The following SPTB variants were observed in gnomAD, a reference collection of about 807,000 sequenced individuals.
SPTB encodes spectrin beta chain, erythrocytic.
A neutral mutation model predicts 256.2 loss-of-function variants in SPTB; 45 were observed. That is an observed-to-expected ratio of 0.18 (90% CI 0.14 to 0.23). SPTB has a LOEUF of 0.23. Among genes scored for constraint, SPTB ranks in the 10% least tolerant of loss-of-function variants. The pLI, the probability that SPTB is intolerant of heterozygous loss-of-function variation, is 1.00. For synonymous variants in SPTB, 1,231 were observed against 1,243.1 expected, an observed-to-expected ratio of 0.99 and a Z score of 0.21; for missense variants, 2,715 against 3,040.4, an observed-to-expected ratio of 0.89 and a Z score of 2.52.
At position 64,749,187 on chromosome 14, in the gene SPTB, C is replaced by T. The variant is rs2081900179; in HGVS notation, c.*119G>A. ...TGCAGTGCAGCGTGGGGCCCGGGGG[C>T]CCGGCCCGCGACTCGACTCATCTCG... On this transcript the variant is annotated 3_prime_UTR_variant, in exon 36 of 36. Coordinates refer to ENST00000644917, the MANE Select transcript of SPTB (RefSeq NM_001355436.2). This position sits in a 1 kb window ranked among gnomAD's most constrained non-coding sequence, Gnocchi z 4.7. The T allele has an allele frequency of 2.3e-6, 3 of 1,280,362 alleles. No homozygotes were observed. Among genetic ancestry groups the T allele is most frequent in the African/African-American group, 3.0e-5 (2 of 66,770 alleles). The allele number at this position is 1,280,362 out of a possible 1,614,324, so 79.3% of individuals were successfully genotyped here.
At chr14:64,753,941 T>C in intron 32 of SPTB, 148 bp from the exon 33 acceptor site, 1 of 1,062,498 alleles carries the variant, frequency 9.4e-7, no homozygotes, top group Non-Finnish European at 1.4e-6. Context: ...CCACCCTGGC[T>C]CTCCCACAAC....
chr14:64,810,405 G>A (rs146331194), intron 2 of SPTB, among the ~76,000 whole-genome samples: 208 of 152,288 alleles, frequency 1.4e-3, no homozygotes, highest in Middle Eastern at 3.4e-3. Flanking sequence ...CAGGCTGGGC[G>A]TGGTGGCTCA....
At position 64,786,872 on chromosome 14, in the gene SPTB, A is replaced by G. The variant is rs2139567969; in HGVS notation, c.3093T>C (p.Asp1031=). ...CCAAGTGTTTTTGCCGCTGACCAATATCCTCCTTCTGCTCAGGGTGCGAGT... is the reference window on the plus strand; with the variant it reads ...CCAAGTGTTTTTGCCGCTGACCAATGTCCTCCTTCTGCTCAGGGTGCGAGT... ...LMDSHPEQKE[D]IGQRQKHLEE... The change falls in exon 16 of 36, where the codon GAT becomes GAC. Residue 1031 remains aspartate, a synonymous_variant. Transcript: ENST00000644917. This position sits in a 1 kb window ranked among gnomAD's most constrained non-coding sequence, Gnocchi z 5.6. 6.2e-7 allele frequency: 1 copy of G among 1,612,676 alleles called. No individual in the cohort carries two copies. Among genetic ancestry groups the G allele is most frequent in the Non-Finnish European group, 8.5e-7 (1 of 1,179,934 alleles).
chr14:64,799,365 G>C (rs1464849679), intron 9 of SPTB, among the ~76,000 whole-genome samples: 1 of 152,228 alleles, frequency 6.6e-6, no homozygotes, highest in East Asian at 1.9e-4. Flanking sequence ...CATGCAGAGA[G>C]CTCAGGGGCT....
intron 4 of SPTB, 54 bp downstream of exon 4, chr14:64,803,553 G>A (rs2082927767): frequency 6.2e-7 from 1 of 1,606,500 alleles, no homozygotes; most frequent in African/African-American, 1.3e-5. Flanking sequence ...AGATTCTAAG[G>A]CCCTGGGCAG....
rs148979087 is a variant in SPTB at position 64,856,851 on chromosome 14, C to A, written c.-52+22941G>T. On this transcript the variant is annotated intron_variant, in intron 1 of 35. Transcript: ENST00000644917. ...TACAGGCCACAAGGAAGGATGGCTC[C>A]AGAGAAAACACAAGTGACAGCTGCT... 2.0e-3 allele frequency among the ~76,000 whole-genome samples: 304 copies of A among 152,346 alleles called. 1 individual carries two copies. The highest frequency in any genetic ancestry group is 7.2e-3 in the African/African-American group (301 of 41,570).
In SPTB at chr14:64,763,134, G is replaced by T. The variant is rs1158746920; in HGVS notation, c.6345+3592C>A. The stretch of plus-strand genomic sequence containing the variant: ...TGCAATCCACCTCCTTCTCTCCCAG[G>T]AGAAAACAGCCTCTCACCACACATT... On this transcript the variant is annotated intron_variant, in intron 32 of 35. Transcript: ENST00000644917. Among the ~76,000 whole-genome samples the T allele has an allele frequency of 5.3e-5, 8 of 152,280 alleles. No homozygotes were observed. In the East Asian group the frequency reaches 1.3e-3, roughly 26 times the overall value.
chr14:64,801,540 G>A (rs1175881837), intron 6 of SPTB, 140 bp from the exon 7 acceptor site: 2 of 811,694 alleles, frequency 2.5e-6, no homozygotes, highest in East Asian at 5.2e-5. Flanking sequence ...GGGAGCAGAG[G>A]AGAGGGGGCA....
intron 25 of SPTB, 109 bp downstream of exon 25, chr14:64,773,111 A>C (rs2082303625): frequency 3.2e-6 from 5 of 1,551,950 alleles, no homozygotes; most frequent in Middle Eastern, 1.7e-4. Context: ...GTCCCGCCTC[A>C]CACTGGGGAG....
rs192356378 is a variant in SPTB at position 64,759,814 on chromosome 14, C to T, written c.6346-6021G>A. Among the ~76,000 whole-genome samples, 17 of 152,260 alleles carry T rather than the reference C, an allele frequency of 1.1e-4. No homozygotes were observed. The East Asian group carries it at 1.2e-3, about 10-fold the overall frequency. ...GGGACACTCTGAAGGAAGAGAGTCC[C>T]GCTGCTTGGAAGAAATTCTGGGTGT... On this transcript the variant is annotated intron_variant, in intron 32 of 35. Transcript: ENST00000644917. This position sits in a 1 kb window ranked among gnomAD's most constrained non-coding sequence, Gnocchi z 4.8.
chr14:64,799,866 G>A lies in SPTB; in HGVS notation c.945C>T (p.Leu315=), dbSNP rs1263408939. The change falls in exon 9 of 36, where the codon CTC becomes CTT. Residue 315 remains leucine (L), a synonymous_variant. Transcript: ENST00000644917. ...CAGTGATGGTCTGCTCGATCCAGGTGAGCAGGTCCGAGGCTAGCCCGCTGT... is the reference window on the plus strand; with the variant it reads ...CAGTGATGGTCTGCTCGATCCAGGTAAGCAGGTCCGAGGCTAGCCCGCTGT... ...EKYSGLASDL[L]TWIEQTITVL... The A allele has an allele frequency of 1.9e-6, 3 of 1,614,230 alleles. No individual in the cohort carries two copies. The highest frequency in any genetic ancestry group is 8.5e-7 in the Non-Finnish European group (1 of 1,180,044).
intron 2 of SPTB, among the ~76,000 whole-genome samples, chr14:64,808,035 A>G (rs1396915344): frequency 6.6e-6 from 1 of 152,222 alleles, no homozygotes; most frequent in African/African-American, 2.4e-5. Flanking sequence ...TTTCTTTTCA[A>G]CGGAGTCTCG....
intron 19 of SPTB, among the ~76,000 whole-genome samples, chr14:64,783,531 A>C (rs1269740684): frequency 6.6e-6 from 1 of 152,152 alleles, no homozygotes; most frequent in Non-Finnish European, 1.5e-5. Flanking sequence ...AGTGTCTCAT[A>C]ATTGCCAAGT....
rs547393426 is a variant in SPTB, at chr14:64,792,969, C to T, written c.2666+28G>A. The T allele has an allele frequency of 1.2e-5, 19 of 1,613,580 alleles. No homozygotes were observed. The highest frequency in any genetic ancestry group is 5.0e-5 in the Admixed American group (3 of 60,018). On this transcript the variant is annotated intron_variant, in intron 14 of 35. Transcript: ENST00000644917. The surrounding 1 kb of genome is among the most constrained non-coding windows in gnomAD (Gnocchi z 4.2). ...TGGTGCCCAGGCCTGGGTACAGGGA[C>T]GTGAGGAAAAGATGAGTTAACTCTG...
At chr14:64,820,538 A>C (rs774502335) in intron 2 of SPTB, among the ~76,000 whole-genome samples, 1 of 152,256 alleles carries the variant, frequency 6.6e-6, no homozygotes, top group African/African-American at 2.4e-5. Context: ...GCCCAGGCAT[A>C]CAATTCTATG....
chr14:64,876,869 T>A (rs1249274244), intron 1 of SPTB, among the ~76,000 whole-genome samples: 2 of 152,194 alleles, frequency 1.3e-5, no homozygotes, highest in African/African-American at 4.8e-5. Context: ...GTAAACCATA[T>A]TGGCCTTGAG....
intron 32 of SPTB, chr14:64,754,209 G>T: frequency 3.0e-6 from 1 of 332,020 alleles, no homozygotes; most frequent in Non-Finnish European, 5.8e-6. Context: ...GGAAAGTTCT[G>T]CTGCTAAGAC....
At chr14:64,787,187 G>C (rs2082587599) in intron 15 of SPTB, 27 bp from the exon 16 acceptor site, 1 of 1,600,620 alleles carries the variant, frequency 6.2e-7, no homozygotes, top group Non-Finnish European at 8.5e-7. Context: ...CAGCCCGGAG[G>C]AGAGAGACAC....
Position 64,773,390 on chromosome 14 carries a change from T to C in SPTB, c.5008A>G (p.Lys1670Glu), listed in dbSNP as rs2082308706. 6.2e-7 allele frequency: 1 copy of C among 1,614,062 alleles called. No individual in the cohort carries two copies. Among genetic ancestry groups the C allele is most frequent in the Non-Finnish European group, 8.5e-7 (1 of 1,180,040 alleles). ...QIIRLQGQVD[K>E]HYAGLKDVAE... ...ACGTCCTTCAGCCCTGCGTAGTGCT[T>C]GTCCACTTGCCCCTGAAGTCTGATG... The change falls in exon 25 of 36, where the codon AAG (lysine) becomes GAG (glutamate). Residue 1670 changes from lysine (K) to glutamate (E), a missense_variant. Transcript: ENST00000644917.
Sources: allele counts gnomAD v4.1 joint callset (sites outside exome capture counted in the v4.1 genomes callset), GRCh38; gene constraint gnomAD v4.1.1; non-coding constraint Gnocchi (gnomAD v3.1); transcripts MANE v1.5; gene names NCBI Gene and HGNC (gene_info 2026-07-23, HGNC 2026-07-21).